RIMS1: variants seen among roughly 807,000 people sequenced by gnomAD.
RIMS1 encodes the protein regulating synaptic membrane exocytosis 1.
A neutral mutation model predicts 214.1 loss-of-function variants in RIMS1; 83 were observed. The ratio of observed to expected loss-of-function variants is 0.39; its 90% CI spans 0.32 to 0.47. The LOEUF (loss-of-function observed/expected upper bound fraction) is 0.47. Ranked by LOEUF, RIMS1 falls within the 20% of genes least tolerant of loss-of-function variation. The pLI is 0.99. For synonymous variants in RIMS1, 793 were observed against 786.8 expected (o/e 1.01, Z -0.13); for missense variants, 2,050 against 2,161.8 (o/e 0.95, Z 1.03).
intron 4 of RIMS1, among the ~76,000 whole-genome samples, chr6:72,121,953 G>A (rs1312004756): frequency 2.6e-5 from 4 of 151,726 alleles, no homozygotes; most frequent in East Asian, 1.9e-4. Flanking sequence ...GATGGATTAC[G>A]TTTATTTATT....
chr6:71,925,448 G>C (rs1781306937), intron 1 of RIMS1, among the ~76,000 whole-genome samples: 1 of 152,186 alleles, frequency 6.6e-6, no homozygotes, highest in Admixed American at 6.5e-5. Flanking sequence ...GTTTGAAACA[G>C]GAATTATAGA....
At chr6:72,302,666 T>C (rs2094744149) in intron 26 of RIMS1, among the ~76,000 whole-genome samples, 2 of 151,648 alleles carry the variant, frequency 1.3e-5, no homozygotes, top group Admixed American at 6.6e-5. Context: ...TGTGTTGCTA[T>C]ACAACAAGGA....
At chr6:72,320,493 A>G (rs1038414979) in intron 28 of RIMS1, among the ~76,000 whole-genome samples, 3 of 152,152 alleles carry the variant, frequency 2.0e-5, no homozygotes, top group African/African-American at 7.2e-5. Flanking sequence ...AAATTAAAAT[A>G]TGAGATGTGG....
rs553100530 is a variant in RIMS1 at position 72,267,663 on chromosome 6, G to C, written c.3398+1614G>C. On this transcript the variant is annotated intron_variant, in intron 22 of 33. Coordinates refer to ENST00000521978, the MANE Select transcript of RIMS1 (RefSeq NM_014989.7). ...GGTGCTCATTGGCTTCATGTGGTTTGTGGCTCCTGTACTGGACAGTGCAGG... is the reference window on the plus strand; with the variant it reads ...GGTGCTCATTGGCTTCATGTGGTTTCTGGCTCCTGTACTGGACAGTGCAGG... 2.6e-5 allele frequency among the ~76,000 whole-genome samples: 4 copies of C among 152,220 alleles called. No individual in the cohort carries two copies. The South Asian group carries it at 8.3e-4, about 32-fold the overall frequency.
chr6:71,978,666 C>G (rs1388369355), intron 2 of RIMS1, among the ~76,000 whole-genome samples: 1 of 152,054 alleles, frequency 6.6e-6, no homozygotes, highest in African/African-American at 2.4e-5. Flanking sequence ...CAGGCCTTCT[C>G]TGTACTATTT....
chr6:72,176,989 T>G (rs1262665592), intron 4 of RIMS1, among the ~76,000 whole-genome samples: 2 of 152,164 alleles, frequency 1.3e-5, no homozygotes, highest in African/African-American at 4.8e-5. Flanking sequence ...CATTGACCCA[T>G]TTTTTGTAAC....
At chr6:71,900,425 T>C (rs1333815458) in intron 1 of RIMS1, among the ~76,000 whole-genome samples, 1 of 152,150 alleles carries the variant, frequency 6.6e-6, no homozygotes, top group African/African-American at 2.4e-5. Flanking sequence ...AGATATGATA[T>C]AATCTTATTA....
At chr6:72,362,422 G>A (rs2097856725) in intron 29 of RIMS1, among the ~76,000 whole-genome samples, 1 of 152,028 alleles carries the variant, frequency 6.6e-6, no homozygotes, top group Non-Finnish European at 1.5e-5. Context: ...GACAGATTTA[G>A]GTTTTACAGG....
chr6:72,230,618 T>C (rs992792681), intron 6 of RIMS1, among the ~76,000 whole-genome samples: 1 of 151,562 alleles, frequency 6.6e-6, no homozygotes, highest in Non-Finnish European at 1.5e-5. Context: ...TTCTAAATTA[T>C]AGAGATAGAG....
chr6:72,155,749 C>G (rs2044355365), intron 4 of RIMS1, among the ~76,000 whole-genome samples: 1 of 140,274 alleles, frequency 7.1e-6, no homozygotes, highest in Non-Finnish European at 1.6e-5. Context: ...GACCTGACCC[C>G]ATAATTCAAT....
At chr6:72,054,624 T>G (rs933136581) in intron 2 of RIMS1, among the ~76,000 whole-genome samples, 5 of 152,196 alleles carry the variant, frequency 3.3e-5, no homozygotes, top group Non-Finnish European at 7.3e-5. Context: ...CCATTCTGAC[T>G]GGCATGAGAT....
chr6:72,271,587 T>C (rs1035048078), intron 22 of RIMS1, among the ~76,000 whole-genome samples: 2 of 152,046 alleles, frequency 1.3e-5, no homozygotes, highest in African/African-American at 2.4e-5. Flanking sequence ...CGTGTGTATA[T>C]GCAAGTACAG....
chr6:72,268,803 G>T (rs2081734088), intron 22 of RIMS1, among the ~76,000 whole-genome samples: 1 of 152,168 alleles, frequency 6.6e-6, no homozygotes, highest in South Asian at 2.1e-4. Flanking sequence ...CATGCTTATG[G>T]GTTACCATAA....
chr6:72,266,841 A>G (rs2080807392), intron 22 of RIMS1, among the ~76,000 whole-genome samples: 1 of 152,090 alleles, frequency 6.6e-6, no homozygotes, highest in Non-Finnish European at 1.5e-5. Flanking sequence ...TTTTAATTAG[A>G]AGTCATTCAG....
At chr6:71,996,933 A>G (rs1803630592) in intron 2 of RIMS1, among the ~76,000 whole-genome samples, 1 of 152,226 alleles carries the variant, frequency 6.6e-6, no homozygotes, top group Non-Finnish European at 1.5e-5. Flanking sequence ...TTGATAGGTA[A>G]TAACTAATCA....
intron 4 of RIMS1, among the ~76,000 whole-genome samples, chr6:72,107,075 G>A (rs1026466340): frequency 7.2e-5 from 11 of 152,168 alleles, no homozygotes; most frequent in African/African-American, 2.7e-4. Flanking sequence ...CATCCTCCAT[G>A]CAGAGTGCTC....
At chr6:72,046,422 T>C (rs1225845767) in intron 2 of RIMS1, among the ~76,000 whole-genome samples, 1 of 152,038 alleles carries the variant, frequency 6.6e-6, no homozygotes, top group African/African-American at 2.4e-5. Context: ...ATAGTATTGC[T>C]GAGAATATTG....
At chr6:71,993,619 A>G (rs1802532705) in intron 2 of RIMS1, among the ~76,000 whole-genome samples, 1 of 152,242 alleles carries the variant, frequency 6.6e-6, no homozygotes, top group Non-Finnish European at 1.5e-5. Context: ...ACCTGAGGAC[A>G]AAGCAACAGC....
chr6:72,162,975 CAG>C (rs1176190354), intron 4 of RIMS1, among the ~76,000 whole-genome samples: 1 of 133,464 alleles, frequency 7.5e-6, no homozygotes, highest in Non-Finnish European at 1.7e-5. Flanking sequence ...TAATATCCTG[CAG>C]AGTGTTTTCC....
Sources: allele counts gnomAD v4.1 joint callset (sites outside exome capture counted in the v4.1 genomes callset), GRCh38; gene constraint gnomAD v4.1.1; transcripts MANE v1.5; gene names NCBI Gene and HGNC (gene_info 2026-07-23, HGNC 2026-07-21).